Variants in C1orf162 observed in about 807,000 individuals in gnomAD.
The protein encoded by C1orf162 is chromosome 1 open reading frame 162.
In C1orf162, 10 loss-of-function variants were observed where a neutral mutation model predicts 11.4. The observed-to-expected ratio is 0.88, with a 90% confidence interval of 0.54 to 1.48. The LOEUF is 1.48. C1orf162 is among the 40% of genes most tolerant of loss of function. The pLI, the probability that C1orf162 is intolerant of heterozygous loss-of-function variation, is 0.00. For missense variants in C1orf162, 140 were observed against 149.5 expected (o/e 0.94, Z 0.33); for synonymous variants, 53 against 55.0 (o/e 0.96, Z 0.16).
At chr1:111,476,537 A>G (rs6692745) in intron 2 of C1orf162, among the ~76,000 whole-genome samples, 58,923 of 151,800 alleles carry the variant, frequency 0.39, 12,737 homozygotes, top group African/African-American at 0.58. Context: ...CTTTGAGGAG[A>G]GCAACATATG....
intron 3 of C1orf162, 129 bp downstream of exon 3, chr1:111,476,996 G>C: frequency 9.7e-7 from 1 of 1,032,160 alleles, no homozygotes; most frequent in Middle Eastern, 2.3e-4. Flanking sequence ...AAAGAACAAA[G>C]TCAGTTTGTG....
intron 1 of C1orf162, among the ~76,000 whole-genome samples, chr1:111,474,286 A>T (rs905334334): frequency 4.6e-5 from 7 of 152,256 alleles, no homozygotes; most frequent in African/African-American, 1.7e-4. Context: ...TTGTGCTGAA[A>T]GGGAAATATA....
At chr1:111,477,095 G>C (rs947296921) in intron 3 of C1orf162, 7 of 641,484 alleles carry the variant, frequency 1.1e-5, no homozygotes, top group East Asian at 5.4e-5. Flanking sequence ...TTTGCTGGGT[G>C]GGGAATTATG....
intron 2 of C1orf162, among the ~76,000 whole-genome samples, chr1:111,476,377 T>G (rs1053453844): frequency 6.6e-6 from 1 of 152,136 alleles, no homozygotes; most frequent in Non-Finnish European, 1.5e-5. Flanking sequence ...TGCTAATAGC[T>G]GCTCTGCAAA....
chr1:111,477,751 T>C lies in C1orf162; in HGVS notation c.228T>C (p.Asp76=). ...RKYHSKPQAP[D]PHSDPPAKLS... ...ATCACTCCAAGCCCCAGGCCCCAGA[T>C]CCTCACTCAGATCCTCCAGCCAAGG... The change falls in exon 5 of 6, where the codon GAT becomes GAC. Residue 76 remains aspartate (D), a synonymous_variant. Coordinates refer to ENST00000369718, the MANE Select transcript of C1orf162 (RefSeq NM_001300834.2). 6.2e-7 allele frequency: 1 copy of C among 1,613,982 alleles called. No individual in the cohort carries two copies. Among genetic ancestry groups the C allele is most frequent in the South Asian group, 1.1e-5 (1 of 91,072 alleles).
chr1:111,477,631 C>A (rs1285059389), intron 4 of C1orf162, 95 bp from the exon 5 acceptor site: 1 of 1,610,180 alleles, frequency 6.2e-7, no homozygotes, highest in Non-Finnish European at 8.5e-7. Flanking sequence ...ACCTCCTCCC[C>A]ACCCCACCCT....
intron 5 of C1orf162, 93 bp downstream of exon 5, chr1:111,477,868 T>C: frequency 2.5e-6 from 4 of 1,596,562 alleles, no homozygotes; most frequent in Middle Eastern, 3.3e-4. Context: ...ATGGTGGTAT[T>C]GATTTCCAGA....
intron 2 of C1orf162, 112 bp from the exon 3 acceptor site, chr1:111,476,680 GCCCCAT>G (rs1653999911): frequency 1.1e-6 from 1 of 905,936 alleles, no homozygotes; most frequent in Non-Finnish European, 1.9e-6. Context: ...AAGAGTTGCA[GCCCCAT>G]CCTTAATTTC....
chr1:111,477,581 T>G, intron 4 of C1orf162, 145 bp from the exon 5 acceptor site: 1 of 1,497,340 alleles, frequency 6.7e-7, no homozygotes. Context: ...TTCAAATCCC[T>G]TCATTTTTCT....
At chr1:111,477,207 G>A (rs1654020568) in intron 3 of C1orf162, 127 bp from the exon 4 acceptor site, 1 of 851,670 alleles carries the variant, frequency 1.2e-6, no homozygotes, top group Non-Finnish European at 1.9e-6. Context: ...AAACCACTGG[G>A]TGAAAGTTCA....
Position 111,477,748 on chromosome 1 carries a change from A to AG in C1orf162, c.226dup (p.Asp76GlyfsTer37), listed in dbSNP as rs528826747. On this transcript the variant is annotated frameshift_variant, in exon 5 of 6. Transcript: ENST00000369718. LOFTEE classifies it low-confidence loss of function (END_TRUNC). ...CAGATCACTCCAAGCCCCAGGCCCC[A>AG]GATCCTCACTCAGATCCTCCAGCCA... 1,171 of 1,614,016 alleles carry AG rather than the reference A, an allele frequency of 7.3e-4. 11 individuals are homozygous for AG. In the African/African-American group the frequency reaches 0.014, roughly 19 times the overall value.
In C1orf162 at chr1:111,478,399, T is replaced by C; in HGVS notation, c.*276T>C. Reference sequence around the variant, plus strand: ...GCCTTCCTTGGACCCTTCCAAAGTGTGTGGTACAGAGCTCAGTGCACAGAG... The same window carrying C: ...GCCTTCCTTGGACCCTTCCAAAGTGCGTGGTACAGAGCTCAGTGCACAGAG... On this transcript the variant is annotated 3_prime_UTR_variant, in exon 6 of 6. Coordinates refer to ENST00000369718, the MANE Select transcript of C1orf162 (RefSeq NM_001300834.2). The C allele has an allele frequency of 2.0e-6, 1 of 511,960 alleles. No individual in the cohort carries two copies. Among genetic ancestry groups the C allele is most frequent in the Non-Finnish European group, 3.5e-6 (1 of 282,468 alleles). The allele number at this position is 511,960 out of a possible 1,614,324, so 31.7% of individuals were successfully genotyped here. A position where few individuals can be genotyped will look rare whatever the true frequency, so the allele number is the denominator to read the frequency against.
intron 4 of C1orf162, 98 bp downstream of exon 4, chr1:111,477,526 A>G: frequency 1.4e-6 from 2 of 1,476,256 alleles, no homozygotes; most frequent in Non-Finnish European, 1.9e-6. Flanking sequence ...GGGAGGGTGC[A>G]GTGTGATAAA....
Position 111,476,830 on chromosome 1 carries a change from A to G in C1orf162, c.70A>G (p.Thr24Ala), listed in dbSNP as rs1185166784. 6 of 1,614,070 alleles carry G rather than the reference A, an allele frequency of 3.7e-6. No homozygotes were observed. Among genetic ancestry groups the G allele is most frequent in the Non-Finnish European group, 5.1e-6 (6 of 1,179,960 alleles). The change falls in exon 3 of 6, where the codon ACA becomes GCA. Residue 24 changes from threonine (T) to alanine (A), a missense_variant. Thr to Ala is a moderately conservative substitution (Grantham distance 58). Coordinates refer to ENST00000369718, the MANE Select transcript of C1orf162 (RefSeq NM_001300834.2). ...AGGCACTCTCTCCACAGCAGCCCCA[A>G]CAACTAGCCCTGCACCCTGTCTCTC... is the stretch of plus-strand genomic sequence containing the variant. Reference protein sequence around the residue: ...RQGTLSTAAPTTSPAPCLSNH... With the variant: ...RQGTLSTAAPATSPAPCLSNH...
rs1048516436 is a variant in C1orf162 at position 111,475,846 on chromosome 1, C to G, written c.-11-172C>G. 1.3e-5 allele frequency: 7 copies of G among 543,274 alleles called. No individual in the cohort carries two copies. In the African/African-American group the frequency reaches 1.3e-4, roughly 10 times the overall value. The allele number at this position is 543,274 out of a possible 1,614,324, so 33.7% of individuals were successfully genotyped here. A position where few individuals can be genotyped will look rare whatever the true frequency, so the allele number is the denominator to read the frequency against. On this transcript the variant is annotated intron_variant, in intron 1 of 5. Transcript: ENST00000369718. ...GCTGGCTGCTGAGCTGCAGAAACAACACCAGAATTGTTAACCACTGATGAG... is the reference window on the plus strand; with the variant it reads ...GCTGGCTGCTGAGCTGCAGAAACAAGACCAGAATTGTTAACCACTGATGAG...
At position 111,478,395 on chromosome 1, in the gene C1orf162, AGT is replaced by A; in HGVS notation, c.*278_*279del. The A allele has an allele frequency of 3.9e-6, 2 of 519,048 alleles. No homozygotes were observed. Among genetic ancestry groups the A allele is most frequent in the East Asian group, 3.5e-5 (1 of 28,810 alleles). The allele number at this position is 519,048 out of a possible 1,614,324, so 32.2% of individuals were successfully genotyped here. A position where few individuals can be genotyped will look rare whatever the true frequency, so the allele number is the denominator to read the frequency against. Reference sequence around the variant, plus strand: ...GACTGCCTTCCTTGGACCCTTCCAAAGTGTGTGGTACAGAGCTCAGTGCACAG... The same window carrying A: ...GACTGCCTTCCTTGGACCCTTCCAAAGTGTGGTACAGAGCTCAGTGCACAG... On this transcript the variant is annotated 3_prime_UTR_variant, in exon 6 of 6. Transcript: ENST00000369718.
At chr1:111,475,942 A>G in intron 1 of C1orf162, 76 bp from the exon 2 acceptor site, 3 of 1,168,746 alleles carry the variant, frequency 2.6e-6, no homozygotes, top group Non-Finnish European at 3.8e-6. Flanking sequence ...TTATATGACA[A>G]TCACAGTCTC....
intron 3 of C1orf162, 120 bp downstream of exon 3, chr1:111,476,987 A>G: frequency 9.0e-7 from 1 of 1,116,132 alleles, no homozygotes. Context: ...GAAACAGTAA[A>G]AGAACAAAGT....
In C1orf162 at chr1:111,477,699, T is replaced by TC. The variant is rs758578897; in HGVS notation, c.203-24dup. The stretch of plus-strand genomic sequence containing the variant: ...TCCCCAGGCCCATTGCTGAGATGGG[T>TC]CCCTCTTCTTTCTGGCACCATGGCA... On this transcript the variant is annotated intron_variant, in intron 4 of 5. Coordinates refer to ENST00000369718, the MANE Select transcript of C1orf162 (RefSeq NM_001300834.2). The TC allele has an allele frequency of 6.8e-6, 11 of 1,609,476 alleles. No individual in the cohort carries two copies. The Admixed American group carries it at 1.9e-4, about 27-fold the overall frequency.
Sources: allele counts gnomAD v4.1 joint callset (sites outside exome capture counted in the v4.1 genomes callset), GRCh38; gene constraint gnomAD v4.1.1; transcripts MANE v1.5; gene names NCBI Gene and HGNC (gene_info 2026-07-23, HGNC 2026-07-21).